EEF2: variants seen among roughly 807,000 people sequenced by gnomAD.
EEF2 encodes elongation factor 2.
A neutral mutation model predicts 85.3 loss-of-function variants in EEF2; 21 were observed. The observed-to-expected ratio is 0.25, with a 90% CI of 0.17 to 0.35. The LOEUF (loss-of-function observed/expected upper bound fraction) is 0.35, where lower values mean the gene tolerates loss of function less well. Ranked by LOEUF, EEF2 falls within the 10% of genes least tolerant of loss-of-function variation. EEF2 has a pLI of 1.00. For missense variants in EEF2, 825 were observed against 1,225.3 expected (o/e 0.67, Z 4.88); for synonymous variants, 723 against 508.8 (o/e 1.42, Z -5.67).
Position 3,980,077 on chromosome 19 carries a change from C to T in EEF2, c.1347-11G>A. ...ATCATCAAGATTGTTCTGGAAGAAG[C>T]AGAAGGCGGCAGCAGGCCGCAGGGA... is the stretch of plus-strand genomic sequence containing the variant. On this transcript the variant is annotated splice_polypyrimidine_tract_variant and intron_variant, in intron 9 of 14. Coordinates refer to ENST00000309311, the MANE Select transcript of EEF2 (RefSeq NM_001961.4). The T allele has an allele frequency of 1.2e-6, 2 of 1,608,432 alleles. No individual in the cohort carries two copies. The highest frequency in any genetic ancestry group is 3.3e-5 in the Admixed American group (2 of 59,962).
Position 3,978,074 on chromosome 19 carries a change from C to T in EEF2, c.1812G>A (p.Met604Ile). 1 of 1,563,490 alleles carries T rather than the reference C, an allele frequency of 6.4e-7. No individual in the cohort carries two copies. The highest frequency in any genetic ancestry group is 8.7e-7 in the Non-Finnish European group (1 of 1,149,510). The change falls in exon 12 of 15, where the codon ATG (methionine) becomes ATA (isoleucine). Residue 604 changes from methionine (M) to isoleucine (I), a missense_variant. By Grantham distance (10) the Met-to-Ile change is conservative. Transcript: ENST00000309311. ...GGCCGTCGGGGAAGGGCCGCGCCTT[C>T]ATGTACAGCCGGTTGTGCTTGTTGG... ...KSPNKHNRLY[M>I]KARPFPDGLA...
In EEF2 at chr19:3,985,460, A is replaced by G. The variant is rs1027642860; in HGVS notation, c.-80T>C. 3.6e-6 allele frequency: 5 copies of G among 1,391,800 alleles called. No individual in the cohort carries two copies. The highest frequency in any genetic ancestry group is 2.8e-6 in the Non-Finnish European group (3 of 1,057,338). The allele number at this position is 1,391,800 out of a possible 1,614,324, so 86.2% of individuals were successfully genotyped here. The stretch of plus-strand genomic sequence containing the variant: ...CGAGGATGGCGGCGACGACGGCGGA[A>G]GAGAACGCTGACGTCAACACTCAGC... On this transcript the variant is annotated 5_prime_UTR_variant, in exon 1 of 15. Transcript: ENST00000309311.
intron 11 of EEF2, among the ~76,000 whole-genome samples, 183 bp from the exon 12 acceptor site, chr19:3,978,355 G>A (rs922519185): frequency 6.6e-6 from 1 of 152,156 alleles, no homozygotes. Flanking sequence ...CAAGGACAAG[G>A]AGCAGGGGCT....
chr19:3,985,328 G>A (rs374763929), intron 1 of EEF2, 50 bp downstream of exon 1: 11 of 1,423,240 alleles, frequency 7.7e-6, no homozygotes, highest in Non-Finnish European at 9.3e-6. Context: ...CGTAGGCCCC[G>A]CGGAGGCCCC....
At chr19:3,982,141 G>A (rs763525973) in intron 5 of EEF2, 89 bp from the exon 6 acceptor site, 17 of 1,596,996 alleles carry the variant, frequency 1.1e-5, no homozygotes, top group Admixed American at 1.7e-5. Context: ...GCTTGGGCAA[G>A]ACCTGGTGGG....
At chr19:3,985,356 C>A (rs953849038) in intron 1 of EEF2, 22 bp downstream of exon 1, 1 of 1,476,406 alleles carries the variant, frequency 6.8e-7, no homozygotes. Flanking sequence ...CTCCGGGGCA[C>A]CAGCGAGGCA....
intron 6 of EEF2, 89 bp downstream of exon 6, chr19:3,981,858 C>T (rs1360701913): frequency 3.3e-6 from 4 of 1,223,210 alleles, no homozygotes; most frequent in South Asian, 2.5e-5. Flanking sequence ...GGAGACGGGC[C>T]CAGTCAGCCG....
At chr19:3,983,861 C>G in intron 2 of EEF2, 1 of 507,040 alleles carries the variant, frequency 2.0e-6, no homozygotes, top group South Asian at 2.2e-5. Context: ...AGCCAAACCT[C>G]TCCAGATATT....
chr19:3,984,015 G>A (rs1026303431), intron 2 of EEF2, 121 bp downstream of exon 2: 6 of 1,052,656 alleles, frequency 5.7e-6, no homozygotes, highest in South Asian at 4.5e-5. Flanking sequence ...ATTCTCCCAT[G>A]AATTAAGAAA....
rs1200259068 is a variant in EEF2, at chr19:3,979,400, C to A, written c.1642G>T (p.Gly548Cys). 1 of 1,613,828 alleles carries A rather than the reference C, an allele frequency of 6.2e-7. No individual in the cohort carries two copies. The highest frequency in any genetic ancestry group is 1.3e-5 in the African/African-American group (1 of 74,902). ...IEESGEHIIA[G>C]AGELHLEICL... Reference sequence around the variant, plus strand: ...ATCTCCAGGTGCAGCTCGCCGGCGCCCGCGATGATATGCTCTCCCGACTCC... The same window carrying A: ...ATCTCCAGGTGCAGCTCGCCGGCGCACGCGATGATATGCTCTCCCGACTCC... Residue 548 changes from glycine (G) to cysteine (C), a missense_variant, in exon 11 of 15, where the codon GGC (glycine) becomes TGC (cysteine). Gly to Cys is a radical substitution (Grantham distance 159). Transcript: ENST00000309311.
chr19:3,976,482 CTG>C lies in EEF2; in HGVS notation c.*70_*71del. On this transcript the variant is annotated 3_prime_UTR_variant, in exon 15 of 15. Coordinates refer to ENST00000309311, the MANE Select transcript of EEF2 (RefSeq NM_001961.4). Reference sequence around the variant, plus strand: ...TGTCGGGACAGTCTCCAGGTGTCGTCTGAGAATTCGAGGACGTGGTGCTGTGG... The same window carrying C: ...TGTCGGGACAGTCTCCAGGTGTCGTCAGAATTCGAGGACGTGGTGCTGTGG... 1 of 1,525,530 alleles carries C rather than the reference CTG, an allele frequency of 6.6e-7. No individual in the cohort carries two copies. The allele number at this position is 1,525,530 out of a possible 1,614,324, so 94.5% of individuals were successfully genotyped here.
At chr19:3,981,065 G>A (rs2039740038) in intron 7 of EEF2, 86 bp from the exon 8 acceptor site, 5 of 1,495,416 alleles carry the variant, frequency 3.3e-6, no homozygotes, top group African/African-American at 1.4e-5. Context: ...TGAAGCCAAG[G>A]AAGCCAAAGT....
chr19:3,978,894 G>C (rs1230567220), intron 11 of EEF2, among the ~76,000 whole-genome samples: 4 of 150,988 alleles, frequency 2.6e-5, no homozygotes, highest in African/African-American at 9.7e-5. Context: ...GGCCGAGGCA[G>C]GGGGATCACG....
chr19:3,985,446 G>A lies in EEF2; in HGVS notation c.-66C>T. 4.9e-6 allele frequency: 7 copies of A among 1,432,182 alleles called. No individual in the cohort carries two copies. The highest frequency in any genetic ancestry group is 2.8e-5 in the East Asian group (1 of 36,250). 88.7% of individuals were successfully genotyped at this position (1,432,182 alleles called of 1,614,324 possible). Reference sequence around the variant, plus strand: ...GAAGCGAGTCGCGCCGAGGATGGCGGCGACGACGGCGGAAGAGAACGCTGA... The same window carrying A: ...GAAGCGAGTCGCGCCGAGGATGGCGACGACGACGGCGGAAGAGAACGCTGA... On this transcript the variant is annotated 5_prime_UTR_variant, in exon 1 of 15. Coordinates refer to ENST00000309311, the MANE Select transcript of EEF2 (RefSeq NM_001961.4).
chr19:3,980,164 C>T, intron 9 of EEF2, 98 bp from the exon 10 acceptor site: 3 of 1,502,350 alleles, frequency 2.0e-6, no homozygotes, highest in South Asian at 1.3e-5. Flanking sequence ...GCCCTCCTGC[C>T]AGGTCCCAGG....
chr19:3,984,040 C>G, intron 2 of EEF2, 96 bp downstream of exon 2: 2 of 1,305,912 alleles, frequency 1.5e-6, no homozygotes, highest in Non-Finnish European at 2.2e-6. Flanking sequence ...GGGAAAGAGA[C>G]GTTGCCAAGT....
rs777864719 is a variant in EEF2 at position 3,982,959 on chromosome 19, C to A, written c.460G>T (p.Val154Leu). ...RQAIAERIKP[V>L]LMMNKMDRAL... ...CGGTCCATCTTGTTCATCATCAGCA[C>A]AGGCTTGATGCGCTCGGCAATGGCC... Residue 154 changes from valine to leucine, a missense_variant, in exon 4 of 15, where the codon GTG (valine) becomes TTG (leucine). Val to Leu is a conservative substitution (Grantham distance 32). Transcript: ENST00000309311. 9.3e-6 allele frequency: 15 copies of A among 1,612,972 alleles called. No homozygotes were observed. Among genetic ancestry groups the A allele is most frequent in the Non-Finnish European group, 1.3e-5 (15 of 1,179,988 alleles).
Position 3,979,908 on chromosome 19 carries a change from C to T in EEF2, c.1505G>A (p.Ser502Asn). Residue 502 changes from serine (S) to asparagine (N), a missense_variant, in exon 10 of 15, where the codon AGC becomes AAC. Ser to Asn is a conservative substitution (Grantham distance 46, BLOSUM62 1). Transcript: ENST00000309311. ...HNMRVMKFSV[S>N]PVVRVAVEAK... is the part of the protein sequence containing the mutation. The stretch of plus-strand genomic sequence containing the variant: ...CTCCACGGCCACTCTGACAACAGGG[C>T]TGACGCTGAACTTCATCACCCGCAT... The T allele has an allele frequency of 3.1e-6, 5 of 1,613,876 alleles. No homozygotes were observed. Among genetic ancestry groups the T allele is most frequent in the Non-Finnish European group, 4.2e-6 (5 of 1,180,036 alleles).
intron 2 of EEF2, 27 bp from the exon 3 acceptor site, chr19:3,983,318 G>T (rs774589886): frequency 6.2e-7 from 1 of 1,605,520 alleles, no homozygotes. Flanking sequence ...CTCGTCAGGG[G>T]GACAGGAGCC....
Sources: allele counts gnomAD v4.1 joint callset (sites outside exome capture counted in the v4.1 genomes callset), GRCh38; gene constraint gnomAD v4.1.1; transcripts MANE v1.5; gene names NCBI Gene and HGNC (gene_info 2026-07-23, HGNC 2026-07-21).